NAV2: variants seen among roughly 807,000 people sequenced by gnomAD.
The protein encoded by NAV2 is helicase, APC down-regulated 1.
In NAV2, 54 loss-of-function variants were observed where a neutral mutation model predicts 223.2. The observed-to-expected ratio is 0.24, with a 90% CI of 0.19 to 0.30. NAV2 has a LOEUF of 0.30. Among genes scored for constraint, NAV2 ranks in the 10% least tolerant of loss-of-function variants. The probability of loss-of-function intolerance (pLI) is 1.00; values close to 1 mark genes in which losing one functional copy is unlikely to be tolerated. For missense variants in NAV2, 2,806 were observed against 3,147.5 expected (o/e 0.89, Z 2.60); for synonymous variants, 1,279 against 1,239.3 (o/e 1.03, Z -0.67).
At chr11:19,504,824 G>T (rs544672981) in intron 1 of NAV2, 1 of 152,222 alleles carries the variant, frequency 6.6e-6, no homozygotes, top group Non-Finnish European at 1.5e-5. Context: ...AGCAGTTTCT[G>T]TGTGGGGGCC....
chr11:19,687,735 G>A (rs1427646316), intron 1 of NAV2, among the ~76,000 whole-genome samples: 2 of 148,530 alleles, frequency 1.3e-5, no homozygotes, highest in African/African-American at 4.9e-5. Flanking sequence ...AGGGATGTGT[G>A]TACATGTGTG....
chr11:19,692,256 C>A (rs947409191), intron 1 of NAV2, among the ~76,000 whole-genome samples: 1 of 152,220 alleles, frequency 6.6e-6, no homozygotes, highest in East Asian at 1.9e-4. Flanking sequence ...AAACATCTTC[C>A]CCAATCTGTG....
chr11:19,831,713 T>C (rs969882975), intron 1 of NAV2, among the ~76,000 whole-genome samples: 1 of 152,216 alleles, frequency 6.6e-6, no homozygotes. Context: ...TTCCTGACCA[T>C]TCTGTGACCA....
chr11:19,919,657 G>A (rs1285033573), intron 6 of NAV2, among the ~76,000 whole-genome samples: 5 of 152,174 alleles, frequency 3.3e-5, no homozygotes, highest in Admixed American at 6.5e-5. Flanking sequence ...AGAGAATAAC[G>A]CCACCAAAAT....
At chr11:19,359,828 G>A (rs1564875139) in intron 1 of NAV2, among the ~76,000 whole-genome samples, 1 of 152,064 alleles carries the variant, frequency 6.6e-6, no homozygotes, top group Non-Finnish European at 1.5e-5. Flanking sequence ...CTTGGCTGTC[G>A]GGTCACTTCT....
chr11:19,441,468 A>G (rs1851402122), intron 1 of NAV2, among the ~76,000 whole-genome samples: 1 of 151,830 alleles, frequency 6.6e-6, no homozygotes, highest in South Asian at 2.1e-4. Flanking sequence ...ACACACACAC[A>G]CACACCCTTC....
chr11:19,448,324 T>C (rs970408370), intron 1 of NAV2, among the ~76,000 whole-genome samples: 21 of 152,284 alleles, frequency 1.4e-4, no homozygotes, highest in Admixed American at 1.3e-3. Context: ...GGTACCAATG[T>C]ATTCTGCCTG....
rs375018253 is a variant in NAV2 at position 19,552,641 on chromosome 11, G to A, written c.75+201614G>A. The stretch of plus-strand genomic sequence containing the variant: ...GGAACCACTCTGTGACATGAAGGAC[G>A]GTAGGACCATAAATTATTCAGCCTC... On this transcript the variant is annotated intron_variant, in intron 1 of 37. Transcript: ENST00000360655. Among the ~76,000 whole-genome samples, 20 of 152,296 alleles carry A rather than the reference G, an allele frequency of 1.3e-4. No individual in the cohort carries two copies. The East Asian group carries it at 1.5e-3, about 12-fold the overall frequency.
intron 1 of NAV2, among the ~76,000 whole-genome samples, chr11:19,612,518 T>G (rs1393091245): frequency 4.6e-5 from 7 of 152,206 alleles, no homozygotes; most frequent in Admixed American, 4.6e-4. Flanking sequence ...GCTTAGAAAT[T>G]TCTTCCGCCA....
intron 10 of NAV2, among the ~76,000 whole-genome samples, chr11:19,976,270 G>A (rs2049736408): frequency 6.6e-6 from 1 of 152,116 alleles, no homozygotes; most frequent in African/African-American, 2.4e-5. Context: ...CAGCTTCCAG[G>A]TGATGTTGAA....
chr11:19,811,390 A>G (rs2058828372), intron 1 of NAV2, among the ~76,000 whole-genome samples: 1 of 152,106 alleles, frequency 6.6e-6, no homozygotes, highest in Non-Finnish European at 1.5e-5. Context: ...TGGTTTGGGA[A>G]GGGGGGTGTT....
At chr11:19,617,803 G>T (rs1293038980) in intron 1 of NAV2, among the ~76,000 whole-genome samples, 1 of 152,056 alleles carries the variant, frequency 6.6e-6, no homozygotes, top group Non-Finnish European at 1.5e-5. Flanking sequence ...CCTTATGGTG[G>T]CTAAGTCCCT....
chr11:19,611,764 C>T (rs538395118), intron 1 of NAV2, among the ~76,000 whole-genome samples: 15 of 152,194 alleles, frequency 9.9e-5, no homozygotes, highest in Admixed American at 2.6e-4. Flanking sequence ...CACAGGCTGA[C>T]GTTGAGTGTC....
chr11:19,571,763 A>G (rs1378726447), intron 1 of NAV2, among the ~76,000 whole-genome samples: 1 of 152,210 alleles, frequency 6.6e-6, no homozygotes, highest in Non-Finnish European at 1.5e-5. Flanking sequence ...TTTTACTTTC[A>G]TTAAAAAGAA....
chr11:20,035,959 C>T lies in NAV2; in HGVS notation c.2769C>T (p.Ser923=), dbSNP rs765380443. Residue 923 remains serine, a splice_region_variant and synonymous_variant, in exon 12 of 38, where the codon AGC becomes AGT. Transcript: ENST00000349880. ...TCAGGATGTGTGTTTGTCTTGGCAG[C>T]TGGGACGACAGCAGCTCCGTCAGCA... is the stretch of plus-strand genomic sequence containing the variant. ...NTSLGLGDAD[S]WDDSSSVSSG... 217 of 1,614,010 alleles carry T rather than the reference C, an allele frequency of 1.3e-4. No homozygotes were observed. Among genetic ancestry groups the T allele is most frequent in the Non-Finnish European group, 1.8e-4 (211 of 1,180,016 alleles).
intron 1 of NAV2, among the ~76,000 whole-genome samples, chr11:19,385,710 T>C (rs982056377): frequency 6.6e-6 from 1 of 151,938 alleles, no homozygotes; most frequent in Admixed American, 6.6e-5. Context: ...TCTCATTCTA[T>C]CTGTAAACTG....
rs184180162 is a variant in NAV2 at position 19,459,200 on chromosome 11, A to T, written c.75+108173A>T. 4.6e-5 allele frequency among the ~76,000 whole-genome samples: 7 copies of T among 152,338 alleles called. No homozygotes were observed. In the East Asian group the frequency reaches 1.3e-3, roughly 29 times the overall value. ...GAAATGCATTAGCTTGTGTCATTGA[A>T]TTGACCGGGGGTAGCTGTCTTTGCA... On this transcript the variant is annotated intron_variant, in intron 1 of 37. Coordinates refer to the NAV2 transcript ENST00000360655.
chr11:20,038,381 A>T (rs76486483), intron 12 of NAV2, among the ~76,000 whole-genome samples: 1 of 151,534 alleles, frequency 6.6e-6, no homozygotes, highest in Non-Finnish European at 1.5e-5. Flanking sequence ...AATGAAAACT[A>T]AAAAAAAAGT....
chr11:19,348,066 G>C (rs566593369), upstream of NAV2, among the ~76,000 whole-genome samples: 1 of 152,338 alleles, frequency 6.6e-6, no homozygotes, highest in African/African-American at 2.4e-5. Context: ...GCTCACAGGA[G>C]GTGTTGAACA....
Sources: allele counts gnomAD v4.1 joint callset (sites outside exome capture counted in the v4.1 genomes callset), GRCh38; gene constraint gnomAD v4.1.1; transcripts MANE v1.5; gene names NCBI Gene and HGNC (gene_info 2026-07-23, HGNC 2026-07-21).